RALGAPB: variants seen among roughly 807,000 people sequenced by gnomAD.
The protein encoded by RALGAPB is Ral GTPase activating protein non-catalytic subunit beta.
A neutral mutation model predicts 161.1 loss-of-function variants in RALGAPB; 25 were observed. That is an observed-to-expected ratio of 0.16 (90% confidence interval 0.11 to 0.22). The LOEUF (loss-of-function observed/expected upper bound fraction) is 0.22, where lower values mean the gene tolerates loss of function less well. Among genes scored for constraint, RALGAPB ranks in the 10% least tolerant of loss-of-function variants. RALGAPB has a pLI of 1.00. For missense variants in RALGAPB, 1,391 were observed against 1,815.2 expected, an observed-to-expected ratio of 0.77 and a Z score of 4.25; for synonymous variants, 629 against 626.1, an observed-to-expected ratio of 1.00 and a Z score of -0.07.
chr20:38,530,219 A>G (rs767795049), intron 13 of RALGAPB, among the ~76,000 whole-genome samples: 4 of 152,238 alleles, frequency 2.6e-5, no homozygotes, highest in Non-Finnish European at 5.9e-5. Context: ...TTTAAGCAGC[A>G]TACTCATTAA....
At position 38,546,225 on chromosome 20, in the gene RALGAPB, C is replaced by T; in HGVS notation, c.2715-18C>T. On this transcript the variant is annotated intron_variant, in intron 18 of 29. Coordinates refer to ENST00000262879, the MANE Select transcript of RALGAPB (RefSeq NM_020336.4). ...TTTTGCTTTGGGAATTAACTGTTAT[C>T]TTTTCCATTCTCCATAGCATTATGC... 1 of 1,613,152 alleles carries T rather than the reference C, an allele frequency of 6.2e-7. No homozygotes were observed. The highest frequency in any genetic ancestry group is 8.5e-7 in the Non-Finnish European group (1 of 1,179,236).
intron 6 of RALGAPB, among the ~76,000 whole-genome samples, chr20:38,511,920 C>T (rs2085971019): frequency 6.6e-6 from 1 of 151,954 alleles, no homozygotes; most frequent in East Asian, 1.9e-4. Flanking sequence ...GCAGAGGCGC[C>T]CCCCACCTCC....
At chr20:38,557,296 C>T (rs1278252537) in intron 22 of RALGAPB, among the ~76,000 whole-genome samples, 1 of 152,128 alleles carries the variant, frequency 6.6e-6, no homozygotes, top group African/African-American at 2.4e-5. Context: ...CCCAGTTTCC[C>T]CTGTTATCAA....
intron 1 of RALGAPB, among the ~76,000 whole-genome samples, chr20:38,485,868 A>G (rs2085097343): frequency 6.8e-6 from 1 of 148,070 alleles, no homozygotes; most frequent in Non-Finnish European, 1.5e-5. Flanking sequence ...CTTTGTTTTA[A>G]TGTTTTTTGT....
intron 13 of RALGAPB, among the ~76,000 whole-genome samples, 200 bp downstream of exon 13, chr20:38,526,242 T>A (rs2086463471): frequency 6.6e-6 from 1 of 152,210 alleles, no homozygotes; most frequent in African/African-American, 2.4e-5. Flanking sequence ...GTTGTCTTGG[T>A]TGGTCATTTA....
At position 38,539,865 on chromosome 20, in the gene RALGAPB, T is replaced by G. The variant is rs61737886; in HGVS notation, c.2469T>G (p.Pro823=). 2 of 1,614,134 alleles carry G rather than the reference T, an allele frequency of 1.2e-6. No homozygotes were observed. The highest frequency in any genetic ancestry group is 2.2e-5 in the East Asian group (1 of 44,888). ...YIVYQCSRPA[P]LHSRDLHSMI... Reference sequence around the variant, plus strand: ...TTTATCAGTGTAGTCGGCCAGCTCCTTTACACTCCAGGGATCTGCACTCCA... The same window carrying G: ...TTTATCAGTGTAGTCGGCCAGCTCCGTTACACTCCAGGGATCTGCACTCCA... The change falls in exon 17 of 30, where the codon CCT becomes CCG. Residue 823 remains proline, a synonymous_variant. Transcript: ENST00000262879.
intron 17 of RALGAPB, 102 bp from the exon 18 acceptor site, chr20:38,540,939 C>A: frequency 8.0e-7 from 1 of 1,256,576 alleles, no homozygotes; most frequent in Non-Finnish European, 1.1e-6. Context: ...AAACTGGAGC[C>A]CTTCCACCAA....
chr20:38,525,386 CTT>C lies in RALGAPB; in HGVS notation c.1788-14_1788-13del. 1 of 1,528,670 alleles carries C rather than the reference CTT, an allele frequency of 6.5e-7. No individual in the cohort carries two copies. The highest frequency in any genetic ancestry group is 2.3e-5 in the East Asian group (1 of 44,254). 94.7% of individuals were successfully genotyped at this position (1,528,670 alleles called of 1,614,324 possible). A position where few individuals can be genotyped will look rare whatever the true frequency, so the allele number is the denominator to read the frequency against. On this transcript the variant is annotated splice_polypyrimidine_tract_variant and intron_variant, in intron 11 of 29. Transcript: ENST00000262879. Reference sequence around the variant, plus strand: ...TGCTTTAGTTCAAAAATACTAATAGCTTTTTATTTTTTGGCAGAGAACTCTCA... The same window carrying C: ...TGCTTTAGTTCAAAAATACTAATAGCTTTATTTTTTGGCAGAGAACTCTCA...
At chr20:38,527,874 C>G (rs915762007) in intron 13 of RALGAPB, among the ~76,000 whole-genome samples, 2 of 152,330 alleles carry the variant, frequency 1.3e-5, no homozygotes, top group African/African-American at 4.8e-5. Flanking sequence ...TGGCAAAGCT[C>G]TTTCCATCTT....
At chr20:38,509,435 G>C (rs999201898) in intron 6 of RALGAPB, among the ~76,000 whole-genome samples, 2 of 152,220 alleles carry the variant, frequency 1.3e-5, no homozygotes, top group Non-Finnish European at 2.9e-5. Context: ...CTCTAGGAAC[G>C]CGTTCCCTGT....
intron 23 of RALGAPB, among the ~76,000 whole-genome samples, chr20:38,560,392 A>G (rs2087745785): frequency 6.6e-6 from 1 of 152,220 alleles, no homozygotes; most frequent in Non-Finnish European, 1.5e-5. Flanking sequence ...ACTGTAGGTA[A>G]GGAGGTAGAA....
chr20:38,550,312 A>T lies in RALGAPB; in HGVS notation c.3010-759A>T, dbSNP rs116171506. ...AGTATCATAATAAAAAAATGTGATT[A>T]AAAAAAATTTAAAATGTGACTTAAT... On this transcript the variant is annotated intron_variant, in intron 20 of 29. Transcript: ENST00000262879. Among the ~76,000 whole-genome samples, 638 of 152,272 alleles carry T rather than the reference A, an allele frequency of 4.2e-3. 3 individuals carry two copies. Among genetic ancestry groups the T allele is most frequent in the African/African-American group, 0.015 (607 of 41,542 alleles).
intron 1 of RALGAPB, among the ~76,000 whole-genome samples, chr20:38,477,953 C>T (rs2084855323): frequency 6.6e-6 from 1 of 152,094 alleles, no homozygotes; most frequent in African/African-American, 2.4e-5. Context: ...GAGACTTTGT[C>T]TCTATAAAAA....
chr20:38,537,163 C>G (rs973013596), intron 16 of RALGAPB, among the ~76,000 whole-genome samples: 2 of 152,086 alleles, frequency 1.3e-5, no homozygotes, highest in East Asian at 1.9e-4. Context: ...ACAAATTGAT[C>G]GGTGGAAGAA....
At chr20:38,556,863 T>C (rs2087603374) in intron 22 of RALGAPB, among the ~76,000 whole-genome samples, 1 of 152,238 alleles carries the variant, frequency 6.6e-6, no homozygotes, top group Non-Finnish European at 1.5e-5. Context: ...ATATTTGTAG[T>C]AAATTCATTT....
At chr20:38,498,230 G>C (rs1011400067) in intron 4 of RALGAPB, among the ~76,000 whole-genome samples, 14 of 152,310 alleles carry the variant, frequency 9.2e-5, no homozygotes, top group African/African-American at 2.9e-4. Flanking sequence ...TGTTCTATTT[G>C]GAAGTGTGCC....
At chr20:38,492,095 C>T (rs2085296921) in intron 2 of RALGAPB, among the ~76,000 whole-genome samples, 1 of 152,186 alleles carries the variant, frequency 6.6e-6, no homozygotes, top group Non-Finnish European at 1.5e-5. Flanking sequence ...CAAGATACCA[C>T]ATGACAGAAT....
intron 2 of RALGAPB, among the ~76,000 whole-genome samples, chr20:38,491,162 C>A: frequency 6.6e-6 from 1 of 152,120 alleles, no homozygotes. Flanking sequence ...CTACCCTTAA[C>A]CTTTGTAGTT....
chr20:38,540,346 T>G (rs921784430), intron 17 of RALGAPB, among the ~76,000 whole-genome samples: 5 of 152,236 alleles, frequency 3.3e-5, no homozygotes, highest in Admixed American at 2.6e-4. Context: ...TAAAGGTTGC[T>G]TCTATCGAAA....
Sources: gnomAD v4.1 joint callset for allele counts (sites outside exome capture counted in the v4.1 genomes callset) on GRCh38, gnomAD v4.1.1 for gene constraint, MANE v1.5 for transcripts, NCBI Gene and HGNC (gene_info 2026-07-23, HGNC 2026-07-21) for gene names.